Variants in SNX29 observed in about 807,000 individuals in gnomAD.
SNX29 encodes the protein sorting nexin-29.
Under a neutral mutation model 102.1 loss-of-function variants are expected in SNX29, and 78 were observed. The ratio of observed to expected loss-of-function variants is 0.76; its 90% CI spans 0.64 to 0.92. The LOEUF (loss-of-function observed/expected upper bound fraction) is 0.92, where lower values mean the gene tolerates loss of function less well. Ranked by LOEUF, SNX29 falls within the 40% of genes least tolerant of loss-of-function variation. The pLI is 0.00. For missense variants in SNX29, 1,280 were observed against 1,061.7 expected (o/e 1.21, Z -2.86); for synonymous variants, 580 against 414.5 (o/e 1.40, Z -4.85).
chr16:12,513,304 C>A, intron 19 of SNX29, among the ~76,000 whole-genome samples: 1 of 147,230 alleles, frequency 6.8e-6, no homozygotes, highest in Middle Eastern at 3.3e-3. Flanking sequence ...GCCTTGCCCT[C>A]CTCTCCCCTT....
chr16:12,386,113 T>G (rs2083332655), intron 16 of SNX29, among the ~76,000 whole-genome samples: 1 of 152,196 alleles, frequency 6.6e-6, no homozygotes, highest in Non-Finnish European at 1.5e-5. Flanking sequence ...AAACATCTTC[T>G]TTCCTCACCC....
intron 19 of SNX29, among the ~76,000 whole-genome samples, chr16:12,498,875 G>A (rs893659081): frequency 6.6e-6 from 1 of 152,174 alleles, no homozygotes; most frequent in Non-Finnish European, 1.5e-5. Flanking sequence ...TAAGTAGAGA[G>A]ATGGTAGGTT....
chr16:12,551,886 C>T (rs750387661), intron 20 of SNX29, among the ~76,000 whole-genome samples: 9 of 152,294 alleles, frequency 5.9e-5, no homozygotes, highest in East Asian at 3.9e-4. Context: ...CCTGTCTGCT[C>T]ATCTGTAAGG....
At chr16:12,448,537 C>T (rs956211539) in intron 18 of SNX29, among the ~76,000 whole-genome samples, 4 of 151,670 alleles carry the variant, frequency 2.6e-5, no homozygotes, top group Admixed American at 1.3e-4. Flanking sequence ...CATGGTGACA[C>T]CTCCTGCTTA....
chr16:12,523,825 C>T (rs911404588), intron 19 of SNX29, among the ~76,000 whole-genome samples: 4 of 152,188 alleles, frequency 2.6e-5, no homozygotes, highest in African/African-American at 7.2e-5. Context: ...TCTGGGGCCA[C>T]GCTGCACAGC....
chr16:12,490,815 A>T (rs888239166), intron 19 of SNX29, among the ~76,000 whole-genome samples: 1 of 152,268 alleles, frequency 6.6e-6, no homozygotes, highest in African/African-American at 2.4e-5. Flanking sequence ...AATACACAGG[A>T]AAATGTAATG....
At chr16:12,336,009 GTGTT>G (rs1238044587) in intron 15 of SNX29, among the ~76,000 whole-genome samples, 11 of 152,184 alleles carry the variant, frequency 7.2e-5, no homozygotes, top group Non-Finnish European at 1.3e-4. Flanking sequence ...GTCTGGGTCT[GTGTT>G]TGTGACAACG....
intron 18 of SNX29, among the ~76,000 whole-genome samples, chr16:12,404,283 G>A (rs1019149041): frequency 2.0e-5 from 3 of 152,146 alleles, no homozygotes; most frequent in African/African-American, 4.8e-5. Context: ...CTGGGGCAGC[G>A]AAATGTGTGT....
intron 13 of SNX29, among the ~76,000 whole-genome samples, chr16:12,140,973 G>T (rs1385398972): frequency 6.6e-6 from 1 of 152,190 alleles, no homozygotes; most frequent in African/African-American, 2.4e-5. Context: ...AAAGAGAAAT[G>T]AAAGGAATTT....
chr16:12,175,652 A>G (rs75676417), intron 13 of SNX29, among the ~76,000 whole-genome samples: 1 of 92,274 alleles, frequency 1.1e-5, no homozygotes, highest in Non-Finnish European at 2.5e-5. Flanking sequence ...ACTCCGTCTC[A>G]AAAAAAAAAA....
At chr16:12,487,446 T>G (rs753160770) in intron 19 of SNX29, among the ~76,000 whole-genome samples, 4 of 152,112 alleles carry the variant, frequency 2.6e-5, no homozygotes. Context: ...ATAAAGTGTT[T>G]ATAGATGAGG....
At chr16:12,125,292 A>G (rs1182287958) in intron 11 of SNX29, among the ~76,000 whole-genome samples, 1 of 152,150 alleles carries the variant, frequency 6.6e-6, no homozygotes, top group Admixed American at 6.5e-5. Context: ...CCTGAACATG[A>G]TGTCATAGCT....
intron 15 of SNX29, among the ~76,000 whole-genome samples, chr16:12,290,699 T>C (rs2079765199): frequency 6.6e-6 from 1 of 152,362 alleles, no homozygotes; most frequent in East Asian, 1.9e-4. Context: ...CAGATGCATT[T>C]CCTAGTCTCC....
At chr16:12,279,894 G>T (rs141182671) in intron 15 of SNX29, among the ~76,000 whole-genome samples, 2 of 152,318 alleles carry the variant, frequency 1.3e-5, no homozygotes, top group Admixed American at 6.5e-5. Flanking sequence ...GGGGAACAAG[G>T]GTGCTGTGGT....
chr16:12,418,646 C>G (rs1207282809), intron 18 of SNX29, among the ~76,000 whole-genome samples: 1 of 152,138 alleles, frequency 6.6e-6, no homozygotes, highest in East Asian at 1.9e-4. Context: ...TTCTGAGTAG[C>G]TGGGATTACA....
chr16:12,304,496 C>T (rs533105141), intron 15 of SNX29, among the ~76,000 whole-genome samples: 154 of 152,308 alleles, frequency 1.0e-3, no homozygotes, highest in African/African-American at 3.6e-3. Flanking sequence ...GAATCTTTGG[C>T]TGGAGAATTA....
chr16:12,559,823 A>G (rs1194900009), intron 20 of SNX29, among the ~76,000 whole-genome samples: 1 of 152,144 alleles, frequency 6.6e-6, no homozygotes, highest in East Asian at 1.9e-4. Context: ...TTCCATCATC[A>G]TCTCTGGCAT....
chr16:12,099,141 G>A (rs2052898283), intron 11 of SNX29, among the ~76,000 whole-genome samples: 1 of 152,224 alleles, frequency 6.6e-6, no homozygotes, highest in Non-Finnish European at 1.5e-5. Flanking sequence ...TGGTGACTTT[G>A]CTGAGGTTCT....
intron 20 of SNX29, among the ~76,000 whole-genome samples, chr16:12,550,634 T>G (rs2077915407): frequency 6.6e-6 from 1 of 152,100 alleles, no homozygotes; most frequent in South Asian, 2.1e-4. Context: ...AAAGACACAT[T>G]AAAAAGTAAC....
Sources: allele counts gnomAD v4.1 joint callset (sites outside exome capture counted in the v4.1 genomes callset), GRCh38; gene constraint gnomAD v4.1.1; transcripts MANE v1.5; gene names NCBI Gene and HGNC (gene_info 2026-07-23, HGNC 2026-07-21).